PRMT3: variants seen among roughly 807,000 people sequenced by gnomAD.
The protein encoded by PRMT3 is protein arginine methyltransferase 3, also known as protein arginine N-methyltransferase 3.
PRMT3 carries 62 observed loss-of-function variants against 71.9 expected under a neutral mutation model. The observed-to-expected ratio is 0.86, with a 90% CI of 0.70 to 1.07. The LOEUF (loss-of-function observed/expected upper bound fraction) is 1.07. Among genes scored for constraint, PRMT3 ranks in the 50% least tolerant of loss-of-function variants. The pLI is 0.00. For missense variants in PRMT3, 663 were observed against 643.0 expected, an observed-to-expected ratio of 1.03 and a Z score of -0.34; for synonymous variants, 213 against 220.4, an observed-to-expected ratio of 0.97 and a Z score of 0.30.
chr11:20,421,311 T>C (rs1056091590), intron 9 of PRMT3, among the ~76,000 whole-genome samples: 1 of 152,212 alleles, frequency 6.6e-6, no homozygotes, highest in Non-Finnish European at 1.5e-5. Context: ...ATGCTGGTAT[T>C]ATAAGCATGA....
intron 13 of PRMT3, among the ~76,000 whole-genome samples, chr11:20,486,274 T>C (rs1851069072): frequency 6.6e-6 from 1 of 152,202 alleles, no homozygotes; most frequent in South Asian, 2.1e-4. Context: ...CTAAAGAATG[T>C]TGAATTGTAC....
At position 20,392,846 on chromosome 11, in the gene PRMT3, A is replaced by G. The variant is rs745952185; in HGVS notation, c.298-51A>G. ...AATTTCTGTAGTTTTTACTAAGGGG[A>G]TTTTGTGATTATATGTAATGAAAAA... On this transcript the variant is annotated intron_variant, in intron 4 of 15. Transcript: ENST00000331079. The G allele has an allele frequency of 3.4e-6, 4 of 1,170,122 alleles. No individual in the cohort carries two copies. The South Asian group carries it at 5.4e-5, about 16-fold the overall frequency. The allele number at this position is 1,170,122 out of a possible 1,614,324, so 72.5% of individuals were successfully genotyped here.
chr11:20,481,612 G>A (rs1257287751), intron 13 of PRMT3, among the ~76,000 whole-genome samples: 2 of 151,972 alleles, frequency 1.3e-5, no homozygotes, highest in Non-Finnish European at 2.9e-5. Context: ...GATTTTCCAA[G>A]GTAATTTTGA....
intron 15 of PRMT3, among the ~76,000 whole-genome samples, chr11:20,502,625 A>G (rs1349361710): frequency 6.6e-6 from 1 of 152,198 alleles, no homozygotes; most frequent in African/African-American, 2.4e-5. Flanking sequence ...TCTTATAGGT[A>G]CATCCTTTGA....
chr11:20,493,854 G>T (rs907876814), intron 13 of PRMT3, 65 bp from the exon 14 acceptor site: 1 of 1,087,026 alleles, frequency 9.2e-7, no homozygotes, highest in Admixed American at 2.0e-5. Flanking sequence ...TTAAGAGACA[G>T]TAATGAGTTA....
intron 13 of PRMT3, among the ~76,000 whole-genome samples, chr11:20,486,927 C>T (rs1829666824): frequency 6.6e-6 from 1 of 151,882 alleles, no homozygotes; most frequent in African/African-American, 2.4e-5. Context: ...CATCATGGCA[C>T]ACACCTCTAG....
At chr11:20,472,657 A>ATTGG (rs1850675038) in intron 13 of PRMT3, among the ~76,000 whole-genome samples, 1 of 128,332 alleles carries the variant, frequency 7.8e-6, no homozygotes, top group Non-Finnish European at 1.8e-5. Flanking sequence ...CATCAAGGAT[A>ATTGG]CTGGCCTGAA....
At chr11:20,497,672 G>A (rs944793452) in intron 15 of PRMT3, among the ~76,000 whole-genome samples, 4 of 152,116 alleles carry the variant, frequency 2.6e-5, no homozygotes, top group Non-Finnish European at 4.4e-5. Context: ...GGAGTTTTAC[G>A]CAAGTAATAA....
chr11:20,462,028 A>G lies in PRMT3; in HGVS notation c.1121A>G (p.Asn374Ser). ...AGCCTTGTAGCAGTGAGTGATGTGA[A>G]TAAACATGCTGATAGAATTGCTTTT... ...TISLVAVSDV[N>S]KHADRIAFWD... Residue 374 changes from asparagine (N) to serine (S), a missense_variant, in exon 12 of 16, where the codon AAT (asparagine) becomes AGT (serine). Transcript: ENST00000331079. 1 of 1,612,630 alleles carries G rather than the reference A, an allele frequency of 6.2e-7. No individual in the cohort carries two copies. Among genetic ancestry groups the G allele is most frequent in the Non-Finnish European group, 8.5e-7 (1 of 1,179,024 alleles).
At chr11:20,485,120 G>A (rs1273895498) in intron 13 of PRMT3, among the ~76,000 whole-genome samples, 1 of 152,088 alleles carries the variant, frequency 6.6e-6, no homozygotes, top group Non-Finnish European at 1.5e-5. Flanking sequence ...AGAAGTAAAT[G>A]AACACTTGCA....
chr11:20,495,030 T>C (rs2133455310), intron 15 of PRMT3, among the ~76,000 whole-genome samples: 1 of 152,000 alleles, frequency 6.6e-6, no homozygotes, highest in Admixed American at 6.6e-5. Context: ...GTTTTGGGTT[T>C]TGTTTTTTCT....
intron 9 of PRMT3, among the ~76,000 whole-genome samples, chr11:20,423,918 C>T (rs935264641): frequency 5.8e-5 from 8 of 138,294 alleles, no homozygotes; most frequent in African/African-American, 2.2e-4. Context: ...GGCGCGGTGG[C>T]TGACGCCTGT....
At chr11:20,411,281 G>C (rs923984080) in intron 9 of PRMT3, among the ~76,000 whole-genome samples, 1 of 152,176 alleles carries the variant, frequency 6.6e-6, no homozygotes, top group Admixed American at 6.5e-5. Flanking sequence ...CTTGTCTTCA[G>C]TCTTTTCTGT....
intron 3 of PRMT3, among the ~76,000 whole-genome samples, chr11:20,391,171 T>C (rs1188023836): frequency 6.6e-6 from 1 of 152,142 alleles, no homozygotes; most frequent in Non-Finnish European, 1.5e-5. Flanking sequence ...TGATATCACA[T>C]GTTTATAAAT....
intron 10 of PRMT3, among the ~76,000 whole-genome samples, chr11:20,440,397 G>A (rs537766110): frequency 2.0e-5 from 3 of 149,870 alleles, no homozygotes; most frequent in South Asian, 4.2e-4. Flanking sequence ...TGTAATCCCA[G>A]CACTTTGGGA....
intron 5 of PRMT3, among the ~76,000 whole-genome samples, chr11:20,394,840 G>C (rs1039335408): frequency 6.6e-6 from 1 of 151,904 alleles, no homozygotes; most frequent in Non-Finnish European, 1.5e-5. Flanking sequence ...GTTTGTGTCT[G>C]GCTTATTTTG....
At chr11:20,453,633 G>T (rs984169090) in intron 11 of PRMT3, among the ~76,000 whole-genome samples, 3 of 151,978 alleles carry the variant, frequency 2.0e-5, no homozygotes, top group African/African-American at 4.8e-5. Flanking sequence ...ACCATTTCAA[G>T]ATATGTTCCC....
Position 20,472,622 on chromosome 11 carries a change from C to T in PRMT3, c.1347+8076C>T, listed in dbSNP as rs993483254. 1.2e-4 allele frequency among the ~76,000 whole-genome samples: 15 copies of T among 128,198 alleles called. No individual in the cohort carries two copies. The Admixed American group carries it at 1.3e-3, about 11-fold the overall frequency. The allele number at this position is 128,198 out of a possible 152,430, so 84.1% of individuals were successfully genotyped here. On this transcript the variant is annotated intron_variant, in intron 13 of 15. Transcript: ENST00000331079. ...ATTGATGTTCATCAAGGATATTGGCCTGAAGTTTTCTTTTTTTGTTTGTTC... is the reference window on the plus strand; with the variant it reads ...ATTGATGTTCATCAAGGATATTGGCTTGAAGTTTTCTTTTTTTGTTTGTTC...
At chr11:20,451,940 CTTTATA>C (rs1850158754) in intron 10 of PRMT3, among the ~76,000 whole-genome samples, 184 bp from the exon 11 acceptor site, 1 of 152,070 alleles carries the variant, frequency 6.6e-6, no homozygotes, top group Non-Finnish European at 1.5e-5. Context: ...TCTGGGTTCA[CTTTATA>C]AGCTGGCCTG....
Sources: allele counts gnomAD v4.1 joint callset (sites outside exome capture counted in the v4.1 genomes callset), GRCh38; gene constraint gnomAD v4.1.1; transcripts MANE v1.5; gene names NCBI Gene and HGNC (gene_info 2026-07-23, HGNC 2026-07-21).